The following MMP16 variants were observed in gnomAD, a reference collection of about 807,000 sequenced individuals.
MMP16 encodes matrix metallopeptidase 16, also known as matrix metalloproteinase-16.
Under a neutral mutation model 67.8 loss-of-function variants are expected in MMP16, and 12 were observed. That is an observed-to-expected ratio of 0.18 (90% CI 0.11 to 0.29). The LOEUF is 0.29. Ranked by LOEUF, MMP16 falls within the 10% of genes least tolerant of loss-of-function variation. The pLI is 1.00. For missense variants in MMP16, 475 were observed against 765.7 expected, an observed-to-expected ratio of 0.62 and a Z score of 4.48; for synonymous variants, 249 against 255.9, an observed-to-expected ratio of 0.97 and a Z score of 0.26.
chr8:88,126,151 G>A (rs1369995101), intron 4 of MMP16, among the ~76,000 whole-genome samples: 1 of 151,738 alleles, frequency 6.6e-6, no homozygotes, highest in African/African-American at 2.4e-5. Flanking sequence ...GGAAATATAT[G>A]CAGAATTATT....
rs1366446822 is a variant in MMP16 at position 88,033,593 on chromosome 8, A to G, written c.*7868T>C. On this transcript the variant is annotated 3_prime_UTR_variant, in exon 10 of 10. Coordinates refer to ENST00000286614, the MANE Select transcript of MMP16 (RefSeq NM_005941.5). ...GTTTATTAAAAGTTATATTAGCGCA[A>G]AATTGAACTAGTAAACTCCATTTAT... 1.3e-5 allele frequency: 2 copies of G among 151,946 alleles called. No homozygotes were observed. The highest frequency in any genetic ancestry group is 6.6e-5 in the Admixed American group (1 of 15,210). The allele number at this position is 151,946 out of a possible 1,614,324, so 9.4% of individuals were successfully genotyped here. A position where few individuals can be genotyped will look rare whatever the true frequency, so the allele number is the denominator to read the frequency against.
At chr8:88,176,562 C>T (rs1013402456) in intron 3 of MMP16, among the ~76,000 whole-genome samples, 1 of 152,146 alleles carries the variant, frequency 6.6e-6, no homozygotes, top group Non-Finnish European at 1.5e-5. Context: ...ATTTTAGTTC[C>T]ATTACTACTT....
chr8:88,290,701 C>CT (rs1370257273), intron 1 of MMP16, among the ~76,000 whole-genome samples: 4 of 152,146 alleles, frequency 2.6e-5, no homozygotes, highest in Admixed American at 2.0e-4. Context: ...CCTCAGCCTC[C>CT]TGAGTAGGTG....
chr8:88,184,540 G>A (rs1299274918), intron 3 of MMP16, among the ~76,000 whole-genome samples: 2 of 95,454 alleles, frequency 2.1e-5, no homozygotes, highest in African/African-American at 8.3e-5. Context: ...ACCAGCCTGG[G>A]CAAATGGTAA....
intron 6 of MMP16, among the ~76,000 whole-genome samples, chr8:88,097,007 A>C (rs1030643554): frequency 6.6e-6 from 1 of 151,864 alleles, no homozygotes; most frequent in South Asian, 2.1e-4. Flanking sequence ...CTAGGGCAAA[A>C]TCTGCTTTTC....
At position 88,286,079 on chromosome 8, in the gene MMP16, G is replaced by A. The variant is rs532830909; in HGVS notation, c.132+40996C>T. Among the ~76,000 whole-genome samples, 3 of 152,206 alleles carry A rather than the reference G, an allele frequency of 2.0e-5. No homozygotes were observed. In the East Asian group the frequency reaches 5.8e-4, roughly 29 times the overall value. ...AGGTCTCCATAGGGATGCATTCAAG[G>A]AGCTCTTTTTAGTTCTCAACAGCAT... On this transcript the variant is annotated intron_variant, in intron 1 of 9. Coordinates refer to ENST00000286614, the MANE Select transcript of MMP16 (RefSeq NM_005941.5).
intron 6 of MMP16, among the ~76,000 whole-genome samples, chr8:88,094,929 G>A (rs2118357179): frequency 6.6e-6 from 1 of 151,878 alleles, no homozygotes. Context: ...AAGGATTTCA[G>A]TTTTCTTTCT....
chr8:88,073,221 T>G (rs1808591190), intron 7 of MMP16, among the ~76,000 whole-genome samples: 1 of 152,190 alleles, frequency 6.6e-6, no homozygotes, highest in South Asian at 2.1e-4. Flanking sequence ...TCACAGCCTT[T>G]AGGTGGTATC....
chr8:88,144,762 TTC>T (rs1314248370), intron 4 of MMP16, among the ~76,000 whole-genome samples: 2 of 151,974 alleles, frequency 1.3e-5, no homozygotes, highest in Non-Finnish European at 2.9e-5. Flanking sequence ...ACAAGTTTTT[TTC>T]TGTTATGAAT....
intron 3 of MMP16, among the ~76,000 whole-genome samples, chr8:88,184,563 G>GAAAAAAAAAAA (rs59310737): frequency 3.7e-4 from 4 of 10,936 alleles, no homozygotes; most frequent in African/African-American, 1.1e-3. Flanking sequence ...CTCTCTCTCT[G>GAAAAAAAAAAA]AAAAAAAAAA....
At chr8:88,179,847 G>T (rs1392144825) in intron 3 of MMP16, among the ~76,000 whole-genome samples, 1 of 152,094 alleles carries the variant, frequency 6.6e-6, no homozygotes, top group Admixed American at 6.5e-5. Flanking sequence ...AAGAGAAAAT[G>T]AAAACATATA....
At chr8:88,230,869 T>G (rs1809849564) in intron 1 of MMP16, among the ~76,000 whole-genome samples, 1 of 152,158 alleles carries the variant, frequency 6.6e-6, no homozygotes, top group Non-Finnish European at 1.5e-5. Context: ...CATATGAAGT[T>G]GCATATATTG....
chr8:88,310,066 A>C (rs549081126), intron 1 of MMP16, among the ~76,000 whole-genome samples: 1 of 152,222 alleles, frequency 6.6e-6, no homozygotes, highest in South Asian at 2.1e-4. Flanking sequence ...TTTTCTAAAA[A>C]TCATTTGGTG....
intron 1 of MMP16, among the ~76,000 whole-genome samples, chr8:88,313,114 CAAT>C (rs1811322516): frequency 6.6e-6 from 1 of 152,134 alleles, no homozygotes; most frequent in Admixed American, 6.5e-5. Flanking sequence ...TACAATGTAT[CAAT>C]AGTGCATTCC....
chr8:88,070,681 C>T (rs549368236), intron 7 of MMP16, among the ~76,000 whole-genome samples: 2 of 152,212 alleles, frequency 1.3e-5, no homozygotes, highest in South Asian at 2.1e-4. Context: ...CTTCTGAGCT[C>T]TGCCTTGGTT....
chr8:88,097,484 A>C lies in MMP16; in HGVS notation c.1083+19023T>G, dbSNP rs568035522. The stretch of plus-strand genomic sequence containing the variant: ...CTACAAAAAATACAAAAATTAGCCG[A>C]GTGTCAGGGTATATGCCTGTAGTCT... On this transcript the variant is annotated intron_variant, in intron 6 of 9. Transcript: ENST00000286614. Among the ~76,000 whole-genome samples, 8 of 151,566 alleles carry C rather than the reference A, an allele frequency of 5.3e-5. No homozygotes were observed. In the South Asian group the frequency reaches 1.7e-3, roughly 32 times the overall value.
chr8:88,199,477 G>C (rs746832699), intron 1 of MMP16, among the ~76,000 whole-genome samples: 3 of 151,936 alleles, frequency 2.0e-5, no homozygotes, highest in East Asian at 1.9e-4. Context: ...TTATGGTCAA[G>C]GTTTGTTTTC....
intron 6 of MMP16, among the ~76,000 whole-genome samples, chr8:88,108,911 T>C (rs147001886): frequency 1.5e-4 from 22 of 151,434 alleles, no homozygotes; most frequent in African/African-American, 4.1e-4. Context: ...AGTTGTGTGT[T>C]GTAAAGTCTG....
intron 1 of MMP16, among the ~76,000 whole-genome samples, chr8:88,279,782 T>C (rs1810703914): frequency 6.6e-6 from 1 of 152,194 alleles, no homozygotes; most frequent in East Asian, 1.9e-4. Flanking sequence ...TCTCCATATT[T>C]CTTCTCAAGG....
Sources: allele counts gnomAD v4.1 joint callset (sites outside exome capture counted in the v4.1 genomes callset), GRCh38; gene constraint gnomAD v4.1.1; transcripts MANE v1.5; gene names NCBI Gene and HGNC (gene_info 2026-07-23, HGNC 2026-07-21).